Variants in CGNL1 observed in about 807,000 individuals in gnomAD.
CGNL1 encodes cingulin-like protein 1.
CGNL1 carries 132 observed loss-of-function variants against 141.2 expected under a neutral mutation model. The ratio of observed to expected loss-of-function variants is 0.93; its 90% CI spans 0.81 to 1.08. The LOEUF is 1.08. Ranked by LOEUF, CGNL1 falls within the 50% of genes least tolerant of loss-of-function variation. The pLI is 0.00. For missense variants in CGNL1, 1,870 were observed against 1,588.6 expected, an observed-to-expected ratio of 1.18 and a Z score of -3.01; for synonymous variants, 690 against 622.1, an observed-to-expected ratio of 1.11 and a Z score of -1.63.
chr15:57,452,181 CA>C lies in CGNL1; in HGVS notation c.1949del (p.Asn650ThrfsTer2). 6.2e-7 allele frequency: 1 copy of C among 1,613,720 alleles called. No individual in the cohort carries two copies. On this transcript the variant is annotated frameshift_variant, in exon 6 of 19. Coordinates refer to ENST00000281282, the MANE Select transcript of CGNL1 (RefSeq NM_032866.5). LOFTEE classifies it high-confidence loss of function. ...NIKEERERMR[A>X]NLEELRSQHN... ...AAAGAAGAGAGAGAGAGGATGAGAG[CA>C]AACCTAGAAGAGCTCCGAAGCCAAC...
rs549101712 is a variant in CGNL1 at position 57,429,619 on chromosome 15, G to A, written c.-15-8366G>A. Among the ~76,000 whole-genome samples the A allele has an allele frequency of 7.2e-5, 11 of 152,298 alleles. No homozygotes were observed. In the South Asian group the frequency reaches 2.1e-3, roughly 29 times the overall value. On this transcript the variant is annotated intron_variant, in intron 1 of 18. Coordinates refer to ENST00000281282, the MANE Select transcript of CGNL1 (RefSeq NM_032866.5). ...TTATTAAATCTCCGCTATGGACATA[G>A]CATTGTACTTTAGATTCTTAGCCCT... is the stretch of plus-strand genomic sequence containing the variant.
intron 15 of CGNL1, 71 bp downstream of exon 15, chr15:57,543,850 C>G: frequency 8.5e-7 from 1 of 1,174,332 alleles, no homozygotes. Context: ...CTGCTTTGAA[C>G]TAGAAGCCCT....
intron 8 of CGNL1, among the ~76,000 whole-genome samples, chr15:57,478,048 AGT>A (rs1195559989): frequency 2.0e-5 from 3 of 152,250 alleles, no homozygotes; most frequent in Admixed American, 6.5e-5. Context: ...CTAACAGGAT[AGT>A]AAGGCCCCAA....
At chr15:57,393,365 G>T (rs1418786091) in intron 1 of CGNL1, among the ~76,000 whole-genome samples, 1 of 152,160 alleles carries the variant, frequency 6.6e-6, no homozygotes, top group Non-Finnish European at 1.5e-5. Context: ...ACAATTGGAG[G>T]AAAATGTAAA....
intron 1 of CGNL1, among the ~76,000 whole-genome samples, chr15:57,418,290 T>C (rs1262630830): frequency 1.3e-5 from 2 of 152,206 alleles, no homozygotes; most frequent in Non-Finnish European, 2.9e-5. Flanking sequence ...TAAACAAGCG[T>C]AATGAATATC....
rs1259565264 is a variant in CGNL1 at position 57,545,724 on chromosome 15, GCT to G, written c.3609+27_3609+28del. The G allele has an allele frequency of 3.2e-6, 5 of 1,575,704 alleles. No individual in the cohort carries two copies. The African/African-American group carries it at 6.7e-5, about 21-fold the overall frequency. On this transcript the variant is annotated intron_variant, in intron 17 of 18. Transcript: ENST00000281282. ...AGGTGGGGAGCCTCTGCGTGCATTTGCTCTTAGATGAGATTGCGTGTCTCAGG... is the reference window on the plus strand; with the variant it reads ...AGGTGGGGAGCCTCTGCGTGCATTTGCTTAGATGAGATTGCGTGTCTCAGG...
intron 8 of CGNL1, chr15:57,478,133 TGCATCCA>T (rs745423174): frequency 7.2e-5 from 11 of 152,200 alleles, no homozygotes; most frequent in Non-Finnish European, 1.6e-4. Context: ...CGGCCCTGTT[TGCATCCA>T]GCAGCCAGGA....
At chr15:57,504,655 C>G (rs1004866662) in intron 8 of CGNL1, among the ~76,000 whole-genome samples, 1 of 152,124 alleles carries the variant, frequency 6.6e-6, no homozygotes, top group African/African-American at 2.4e-5. Context: ...CCGGGGGACC[C>G]AGGTGTTGGT....
intron 13 of CGNL1, among the ~76,000 whole-genome samples, chr15:57,530,651 C>T (rs1427804302): frequency 1.3e-5 from 2 of 152,100 alleles, no homozygotes; most frequent in African/African-American, 4.8e-5. Flanking sequence ...GGTGCAGGGC[C>T]CAGCTCCAAT....
At chr15:57,539,899 A>AT in intron 14 of CGNL1, among the ~76,000 whole-genome samples, 1 of 152,332 alleles carries the variant, frequency 6.6e-6, no homozygotes, top group South Asian at 2.1e-4. Context: ...CTAAGCACAG[A>AT]TGGGGATGTT....
chr15:57,440,303 G>A (rs754085547), intron 2 of CGNL1, 74 bp from the exon 3 acceptor site: 54 of 1,057,372 alleles, frequency 5.1e-5, no homozygotes, highest in Middle Eastern at 2.4e-4. Context: ...GATGCTCACT[G>A]GAGGAATTGT....
chr15:57,400,830 C>A (rs1021409324), intron 1 of CGNL1, among the ~76,000 whole-genome samples: 1 of 145,182 alleles, frequency 6.9e-6, no homozygotes, highest in Non-Finnish European at 1.5e-5. Flanking sequence ...TTGCAGTGAG[C>A]CAGGATTGCA....
At chr15:57,501,066 C>G (rs2064017297) in intron 8 of CGNL1, among the ~76,000 whole-genome samples, 1 of 152,184 alleles carries the variant, frequency 6.6e-6, no homozygotes, top group Non-Finnish European at 1.5e-5. Context: ...TACCTAGACA[C>G]ATAAAAACCT....
rs1348808413 is a variant in CGNL1, at chr15:57,543,788, A to C, written c.3375+9A>C. ...TTTCCCTGGAGAGGCAGGTGAGGGCAGCCAGCCTGTGAGCTGCCCCCCCGT... is the reference window on the plus strand; with the variant it reads ...TTTCCCTGGAGAGGCAGGTGAGGGCCGCCAGCCTGTGAGCTGCCCCCCCGT... On this transcript the variant is annotated intron_variant, in intron 15 of 18. Coordinates refer to ENST00000281282, the MANE Select transcript of CGNL1 (RefSeq NM_032866.5). 1 of 1,610,528 alleles carries C rather than the reference A, an allele frequency of 6.2e-7. No homozygotes were observed. The highest frequency in any genetic ancestry group is 2.2e-5 in the East Asian group (1 of 44,848).
intron 1 of CGNL1, among the ~76,000 whole-genome samples, chr15:57,420,968 A>T (rs1447824484): frequency 6.6e-6 from 1 of 152,216 alleles, no homozygotes; most frequent in African/African-American, 2.4e-5. Context: ...CACAAAATTC[A>T]TATTAGAGGT....
At position 57,501,536 on chromosome 15, in the gene CGNL1, G is replaced by A. The variant is rs554331196; in HGVS notation, c.2404-15244G>A. ...CTTATTGTCCAGTTCCCCAGGCATA[G>A]CCTGGCATGGGATGGGCTGAGAGGT... On this transcript the variant is annotated intron_variant, in intron 8 of 18. Coordinates refer to ENST00000281282, the MANE Select transcript of CGNL1 (RefSeq NM_032866.5). Among the ~76,000 whole-genome samples, 34 of 152,354 alleles carry A rather than the reference G, an allele frequency of 2.2e-4. 1 individual carries two copies. The South Asian group carries it at 5.0e-3, about 22-fold the overall frequency.
intron 1 of CGNL1, among the ~76,000 whole-genome samples, chr15:57,387,204 T>G (rs1454523114): frequency 1.3e-5 from 2 of 152,206 alleles, no homozygotes; most frequent in African/African-American, 4.8e-5. Flanking sequence ...GATGGCCTTT[T>G]GCATCTGGCT....
chr15:57,462,542 A>G (rs2152334102), intron 8 of CGNL1, among the ~76,000 whole-genome samples: 1 of 152,356 alleles, frequency 6.6e-6, no homozygotes, highest in Non-Finnish European at 1.5e-5. Flanking sequence ...AATGGTTTGA[A>G]ATGTCATGCC....
At chr15:57,455,116 T>A (rs72739721) in intron 7 of CGNL1, among the ~76,000 whole-genome samples, 6,538 of 152,292 alleles carry the variant, frequency 0.043, 219 homozygotes, top group South Asian at 0.14. Context: ...TTATGCTCTT[T>A]GTATTTAATT....
Sources: gnomAD v4.1 joint callset for allele counts (sites outside exome capture counted in the v4.1 genomes callset) on GRCh38, gnomAD v4.1.1 for gene constraint, MANE v1.5 for transcripts, NCBI Gene and HGNC (gene_info 2026-07-23, HGNC 2026-07-21) for gene names.